The following TIAM1 variants were observed in gnomAD, a reference collection of about 807,000 sequenced individuals.
The protein encoded by TIAM1 is rho guanine nucleotide exchange factor TIAM1.
TIAM1 carries 65 observed loss-of-function variants against 163.5 expected under a neutral mutation model. The observed-to-expected ratio is 0.40, with a 90% CI of 0.33 to 0.49. TIAM1 has a LOEUF of 0.49. Among genes scored for constraint, TIAM1 ranks in the 20% least tolerant of loss-of-function variants. The pLI is 0.77. For synonymous variants in TIAM1, 833 were observed against 810.1 expected, an observed-to-expected ratio of 1.03 and a Z score of -0.48; for missense variants, 1,789 against 2,044.7, an observed-to-expected ratio of 0.87 and a Z score of 2.41.
intron 2 of TIAM1, among the ~76,000 whole-genome samples, chr21:31,396,456 A>T (rs1285488573): frequency 4.0e-5 from 6 of 151,594 alleles, no homozygotes; most frequent in African/African-American, 1.5e-4. Context: ...GATACCTATC[A>T]CCCCCTCCAT....
intron 8 of TIAM1, among the ~76,000 whole-genome samples, chr21:31,223,110 CT>C: frequency 6.6e-6 from 1 of 152,174 alleles, no homozygotes. Flanking sequence ...AAACATGACA[CT>C]GTCTAAAGAT....
Position 31,266,818 on chromosome 21 carries a change from G to A in TIAM1, c.155C>T (p.Ser52Phe). Reference sequence around the variant, plus strand: ...GCTGCTGGATCGGGTGCTCACTTCGGAGTTCCTGTGGATCACCTTCCCCGA... The same window carrying A: ...GCTGCTGGATCGGGTGCTCACTTCGAAGTTCCTGTGGATCACCTTCCCCGA... ...ASSGKVIHRNSEVSTRSSSTP... is the reference protein window; with the variant it reads ...ASSGKVIHRNFEVSTRSSSTP... The change falls in exon 4 of 28, where the codon TCC becomes TTC. Residue 52 changes from serine to phenylalanine, a missense_variant. Physicochemically the swap from Ser to Phe is radical, Grantham distance 155 (BLOSUM62 -2). Around this residue, in one of 5 missense-constraint regions of TIAM1, gnomAD observed 555 missense variants for 564.9 expected, o/e 0.98. Transcript: ENST00000541036. 1 of 1,614,200 alleles carries A rather than the reference G, an allele frequency of 6.2e-7. No homozygotes were observed. The highest frequency in any genetic ancestry group is 8.5e-7 in the Non-Finnish European group (1 of 1,180,050).
At chr21:31,284,001 G>A (rs760403830) in intron 2 of TIAM1, among the ~76,000 whole-genome samples, 4 of 152,138 alleles carry the variant, frequency 2.6e-5, no homozygotes, top group Admixed American at 6.5e-5. Flanking sequence ...CGCTTACATC[G>A]TAAGGCAGGG....
intron 12 of TIAM1, among the ~76,000 whole-genome samples, chr21:31,197,920 A>G (rs1436978670): frequency 1.3e-5 from 2 of 152,176 alleles, no homozygotes; most frequent in African/African-American, 4.8e-5. Context: ...TGCCTCCCAG[A>G]TCAGCCTTCA....
intron 1 of TIAM1, among the ~76,000 whole-genome samples, chr21:31,503,089 C>T (rs1040269227): frequency 1.3e-5 from 2 of 152,128 alleles, no homozygotes; most frequent in Non-Finnish European, 2.9e-5. Flanking sequence ...GCTATTGTGT[C>T]TCCCTTAGGA....
chr21:31,370,293 G>T (rs2076574007), intron 2 of TIAM1, among the ~76,000 whole-genome samples: 1 of 152,200 alleles, frequency 6.6e-6, no homozygotes, highest in Non-Finnish European at 1.5e-5. Context: ...TTTGAAAAGT[G>T]ACCATATGCC....
At chr21:31,459,643 G>C (rs2045249181) in intron 2 of TIAM1, among the ~76,000 whole-genome samples, 2 of 152,170 alleles carry the variant, frequency 1.3e-5, no homozygotes, top group Admixed American at 6.5e-5. Context: ...AGAAACTCTG[G>C]TGTGAAGCTA....
intron 1 of TIAM1, among the ~76,000 whole-genome samples, chr21:31,469,776 G>A (rs1054408026): frequency 6.6e-6 from 1 of 151,868 alleles, no homozygotes; most frequent in African/African-American, 2.4e-5. Flanking sequence ...AGCTTGCAGT[G>A]AGCCAAGATC....
chr21:31,533,588 C>T (rs1423714732), intron 1 of TIAM1, among the ~76,000 whole-genome samples: 1 of 151,870 alleles, frequency 6.6e-6, no homozygotes, highest in East Asian at 1.9e-4. Context: ...TTTTAATTAG[C>T]CAGGGGTGGT....
intron 2 of TIAM1, among the ~76,000 whole-genome samples, chr21:31,442,234 T>A (rs1206712371): frequency 2.3e-5 from 3 of 133,272 alleles, no homozygotes; most frequent in African/African-American, 8.7e-5. Context: ...AGTAGGGAGT[T>A]TTTTTTTTTT....
At chr21:31,455,884 C>T (rs2045080093) in intron 2 of TIAM1, among the ~76,000 whole-genome samples, 1 of 152,210 alleles carries the variant, frequency 6.6e-6, no homozygotes, top group African/African-American at 2.4e-5. Flanking sequence ...AAGGAAACCA[C>T]TAAATGTGAT....
At chr21:31,315,027 G>A (rs1421676699) in intron 2 of TIAM1, among the ~76,000 whole-genome samples, 2 of 152,100 alleles carry the variant, frequency 1.3e-5, no homozygotes, top group African/African-American at 4.8e-5. Context: ...TTTTTGGTGA[G>A]AGTCGCCAAA....
At chr21:31,174,875 C>T (rs1026819999) in intron 15 of TIAM1, among the ~76,000 whole-genome samples, 7 of 152,198 alleles carry the variant, frequency 4.6e-5, no homozygotes, top group South Asian at 2.1e-4. Flanking sequence ...TCTTGAACTC[C>T]TGACTTCTGG....
chr21:31,127,963 A>G (rs1568874007), intron 25 of TIAM1, among the ~76,000 whole-genome samples: 1 of 152,202 alleles, frequency 6.6e-6, no homozygotes, highest in Non-Finnish European at 1.5e-5. Context: ...GTCTGCTTTG[A>G]ACACAGCAGA....
chr21:31,362,471 TTATTATTA>T (rs1375433330), intron 2 of TIAM1, among the ~76,000 whole-genome samples: 2 of 148,832 alleles, frequency 1.3e-5, no homozygotes, highest in African/African-American at 5.0e-5. Context: ...ATTATTATTA[TTATTATTA>T]TATTTGAGAA....
chr21:31,445,459 T>C (rs1479048232), intron 2 of TIAM1, among the ~76,000 whole-genome samples: 1 of 152,230 alleles, frequency 6.6e-6, no homozygotes, highest in Non-Finnish European at 1.5e-5. Context: ...GTTCCAAACT[T>C]TGTGGAAAAT....
intron 2 of TIAM1, among the ~76,000 whole-genome samples, chr21:31,386,461 A>G (rs933660491): frequency 3.9e-5 from 6 of 152,172 alleles, no homozygotes; most frequent in Admixed American, 2.6e-4. Context: ...GATTAAAGAA[A>G]TGCAACCACG....
chr21:31,533,477 G>A (rs1035404190), intron 1 of TIAM1, among the ~76,000 whole-genome samples: 1 of 152,148 alleles, frequency 6.6e-6, no homozygotes, highest in Admixed American at 6.5e-5. Flanking sequence ...CACGTGGCTG[G>A]GTGTAGTGGC....
chr21:31,446,427 T>C (rs933238412), intron 2 of TIAM1, among the ~76,000 whole-genome samples: 1 of 152,144 alleles, frequency 6.6e-6, no homozygotes, highest in African/African-American at 2.4e-5. Context: ...ATCTGTCTCA[T>C]GCTAAGATTC....
Sources: allele counts gnomAD v4.1 joint callset (sites outside exome capture counted in the v4.1 genomes callset), GRCh38; gene constraint gnomAD v4.1.1; regional missense constraint gnomAD v4.1.1; transcripts MANE v1.5; gene names NCBI Gene and HGNC (gene_info 2026-07-23, HGNC 2026-07-21).